The following RFX8 variants were observed in gnomAD, a reference collection of about 807,000 sequenced individuals.
RFX8 encodes DNA-binding protein RFX8.
RFX8 carries 46 observed loss-of-function variants against 54.6 expected under a neutral mutation model. The observed-to-expected ratio is 0.84, with a 90% confidence interval of 0.67 to 1.08. The LOEUF (loss-of-function observed/expected upper bound fraction) is 1.08. Ranked by LOEUF, RFX8 falls within the 50% of genes least tolerant of loss-of-function variation. RFX8 has a pLI of 0.00. For missense variants in RFX8, 536 were observed against 562.3 expected (o/e 0.95, Z 0.47); for synonymous variants, 192 against 209.5 (o/e 0.92, Z 0.72).
chr2:101,406,245 G>A (rs1685729603), intron 9 of RFX8, among the ~76,000 whole-genome samples, 188 bp from the exon 10 acceptor site: 1 of 152,062 alleles, frequency 6.6e-6, no homozygotes, highest in Admixed American at 6.6e-5. Context: ...CTTCCATGGA[G>A]ACGGTTCCAG....
At chr2:101,470,302 T>C (rs1689902576) in intron 1 of RFX8, among the ~76,000 whole-genome samples, 1 of 152,190 alleles carries the variant, frequency 6.6e-6, no homozygotes, top group African/African-American at 2.4e-5. Context: ...AAATCTGGAA[T>C]GGAAGCAAGA....
At chr2:101,451,906 C>T (rs1010588400) in intron 2 of RFX8, among the ~76,000 whole-genome samples, 1 of 151,998 alleles carries the variant, frequency 6.6e-6, no homozygotes, top group African/African-American at 2.4e-5. Context: ...CCCACCTGGG[C>T]AATTTAGGAA....
chr2:101,455,877 C>G (rs7587668), intron 2 of RFX8, among the ~76,000 whole-genome samples: 52,509 of 152,020 alleles, frequency 0.35, 9,742 homozygotes, highest in African/African-American at 0.44. Flanking sequence ...TTGTTTGTGT[C>G]CTCTTTTATT....
intron 2 of RFX8, among the ~76,000 whole-genome samples, chr2:101,437,843 C>T (rs36140212): frequency 0.76 from 114,877 of 151,824 alleles, 44,415 homozygotes; most frequent in Middle Eastern, 0.88. Flanking sequence ...TCTACACAAT[C>T]GTATCACCTG....
intron 2 of RFX8, among the ~76,000 whole-genome samples, chr2:101,453,357 G>T (rs913966004): frequency 3.9e-5 from 6 of 151,940 alleles, no homozygotes; most frequent in African/African-American, 1.2e-4. Context: ...CTCGATGTTG[G>T]CCAGGCATGG....
At chr2:101,468,636 G>A (rs914210205) in intron 1 of RFX8, among the ~76,000 whole-genome samples, 1 of 151,916 alleles carries the variant, frequency 6.6e-6, no homozygotes. Flanking sequence ...ACTGGATTTA[G>A]AGCCCATCCT....
At chr2:101,400,203 G>C (rs187402072) in intron 11 of RFX8, among the ~76,000 whole-genome samples, 29 of 152,332 alleles carry the variant, frequency 1.9e-4, no homozygotes, top group Admixed American at 1.9e-3. Flanking sequence ...GGAAGCATGT[G>C]TATATAATTT....
intron 9 of RFX8, among the ~76,000 whole-genome samples, chr2:101,407,897 A>G (rs1397073019): frequency 2.6e-5 from 4 of 152,198 alleles, no homozygotes; most frequent in Non-Finnish European, 4.4e-5. Context: ...CTGCTCGCTG[A>G]CTGCCAGATG....
At chr2:101,449,048 A>G (rs1688545302) in intron 2 of RFX8, among the ~76,000 whole-genome samples, 1 of 152,228 alleles carries the variant, frequency 6.6e-6, no homozygotes, top group African/African-American at 2.4e-5. Flanking sequence ...GTATTCAGGA[A>G]GGTCCCATTA....
chr2:101,424,761 C>T (rs187299798), intron 2 of RFX8, among the ~76,000 whole-genome samples: 2 of 152,204 alleles, frequency 1.3e-5, no homozygotes, highest in Admixed American at 1.3e-4. Context: ...CAAACTATCG[C>T]AAGGACAGAA....
At chr2:101,430,126 T>C (rs1173012965) in intron 2 of RFX8, among the ~76,000 whole-genome samples, 1 of 152,216 alleles carries the variant, frequency 6.6e-6, no homozygotes, top group Non-Finnish European at 1.5e-5. Context: ...CATCTTTTAA[T>C]AAGAGTTGTT....
chr2:101,421,582 A>G, intron 4 of RFX8, 142 bp downstream of exon 4: 1 of 1,416,212 alleles, frequency 7.1e-7, no homozygotes, highest in Non-Finnish European at 9.2e-7. Context: ...ATAGGTACAT[A>G]GCATGTAAGC....
intron 2 of RFX8, among the ~76,000 whole-genome samples, chr2:101,441,249 C>G (rs926879527): frequency 6.6e-6 from 1 of 152,184 alleles, no homozygotes; most frequent in Non-Finnish European, 1.5e-5. Context: ...GGATTACAGG[C>G]GTGAGCCACT....
chr2:101,432,746 A>G (rs1235650246), intron 2 of RFX8, among the ~76,000 whole-genome samples: 3 of 152,204 alleles, frequency 2.0e-5, no homozygotes, highest in African/African-American at 2.4e-5. Context: ...CACACACAAC[A>G]TCCAGAGCTG....
chr2:101,398,448 C>T (rs983413557), intron 11 of RFX8, among the ~76,000 whole-genome samples: 3 of 152,234 alleles, frequency 2.0e-5, no homozygotes, highest in South Asian at 4.1e-4. Context: ...AGTCTCCAGA[C>T]GGGTACTAAT....
At chr2:101,430,227 A>G (rs1409325544) in intron 2 of RFX8, among the ~76,000 whole-genome samples, 1 of 152,204 alleles carries the variant, frequency 6.6e-6, no homozygotes, top group East Asian at 1.9e-4. Context: ...AGCCCTGCAC[A>G]TGCACATAGG....
At chr2:101,402,805 C>T (rs1685521480) in intron 10 of RFX8, 53 bp from the exon 11 acceptor site, 1 of 1,456,632 alleles carries the variant, frequency 6.9e-7, no homozygotes, top group Non-Finnish European at 9.2e-7. Flanking sequence ...AGACAATAAA[C>T]AAATCATTGT....
chr2:101,467,045 C>T (rs921284084), intron 1 of RFX8, 145 bp from the exon 2 acceptor site: 1 of 618,570 alleles, frequency 1.6e-6, no homozygotes, highest in Non-Finnish European at 2.9e-6. Context: ...TGCGAAGGCT[C>T]ACAACTGGCA....
intron 9 of RFX8, among the ~76,000 whole-genome samples, chr2:101,410,159 A>C (rs1686025866): frequency 1.3e-5 from 2 of 151,568 alleles, no homozygotes. Flanking sequence ...ACCCACACCC[A>C]CTTACACACA....
Sources: allele counts gnomAD v4.1 joint callset (sites outside exome capture counted in the v4.1 genomes callset), GRCh38; gene constraint gnomAD v4.1.1; transcripts MANE v1.5; gene names NCBI Gene and HGNC (gene_info 2026-07-23, HGNC 2026-07-21).